Variants in PIK3CB observed in about 807,000 individuals in gnomAD.
PIK3CB encodes the protein phosphatidylinositol-4,5-bisphosphate 3-kinase catalytic subunit beta.
In PIK3CB, 39 loss-of-function variants were observed where a neutral mutation model predicts 136.8. The ratio of observed to expected loss-of-function variants is 0.29; its 90% CI spans 0.22 to 0.37. PIK3CB has a LOEUF of 0.37. Ranked by LOEUF, PIK3CB falls within the 10% of genes least tolerant of loss-of-function variation. The pLI, the probability that PIK3CB is intolerant of heterozygous loss-of-function variation, is 1.00. For synonymous variants in PIK3CB, 428 were observed against 436.6 expected (o/e 0.98, Z 0.25); for missense variants, 868 against 1,275.4 (o/e 0.68, Z 4.87).
intron 19 of PIK3CB, among the ~76,000 whole-genome samples, chr3:138,673,427 A>G (rs906495289): frequency 4.6e-5 from 7 of 152,314 alleles, no homozygotes; most frequent in Middle Eastern, 6.8e-3. Context: ...CATTACTTAC[A>G]AAGAACCGAT....
rs1426256873 is a variant in PIK3CB, at chr3:138,665,255, T to G, written c.2505-52A>C. Reference sequence around the variant, plus strand: ...TCATATTTTCCTTAAAATGAAACATTAATTTGGTAAGATTTTCCCTTTACT... The same window carrying G: ...TCATATTTTCCTTAAAATGAAACATGAATTTGGTAAGATTTTCCCTTTACT... On this transcript the variant is annotated intron_variant, in intron 19 of 23. Transcript: ENST00000674063. The G allele has an allele frequency of 4.5e-6, 6 of 1,334,624 alleles. No homozygotes were observed. The African/African-American group carries it at 7.4e-5, about 16-fold the overall frequency. The allele number at this position is 1,334,624 out of a possible 1,614,324, so 82.7% of individuals were successfully genotyped here.
intron 10 of PIK3CB, 34 bp from the exon 11 acceptor site, chr3:138,707,323 A>T (rs755690993): frequency 1.9e-6 from 3 of 1,578,064 alleles, no homozygotes; most frequent in Non-Finnish European, 2.6e-6. Flanking sequence ...TTCTTAAAAA[A>T]TGTCTTTAAA....
intron 19 of PIK3CB, among the ~76,000 whole-genome samples, chr3:138,666,767 A>G (rs1232186992): frequency 6.6e-6 from 1 of 152,216 alleles, no homozygotes; most frequent in Non-Finnish European, 1.5e-5. Flanking sequence ...GCATTGTGTT[A>G]GATCCTGGTG....
intron 6 of PIK3CB, among the ~76,000 whole-genome samples, 155 bp from the exon 7 acceptor site, chr3:138,734,959 T>C (rs1345420125): frequency 6.6e-6 from 1 of 150,668 alleles, no homozygotes; most frequent in Admixed American, 6.6e-5. Flanking sequence ...AAAATTTTTT[T>C]TTTTTTTTTT....
intron 3 of PIK3CB, among the ~76,000 whole-genome samples, chr3:138,757,168 G>A (rs529119263): frequency 3.9e-4 from 60 of 152,220 alleles, no homozygotes; most frequent in Non-Finnish European, 7.4e-4. Flanking sequence ...CACTTTGGGA[G>A]GCCATGGTGG....
At chr3:138,801,220 G>A (rs1044716675) in intron 1 of PIK3CB, among the ~76,000 whole-genome samples, 2 of 152,100 alleles carry the variant, frequency 1.3e-5, no homozygotes, top group African/African-American at 2.4e-5. Flanking sequence ...ATAATGAAAT[G>A]AGGTGATATA....
At position 138,704,465 on chromosome 3, in the gene PIK3CB, C is replaced by T. The variant is rs1333337067; in HGVS notation, c.1559G>A (p.Ser520Asn). The change falls in exon 12 of 24, where the codon AGC (serine) becomes AAC (asparagine). Residue 520 changes from serine (S) to asparagine (N), a missense_variant. Physicochemically the swap from Ser to Asn is conservative, Grantham distance 46. Coordinates refer to ENST00000674063, the MANE Select transcript of PIK3CB (RefSeq NM_006219.3). ...TACTGACACATTAGCACTATCACTG[C>T]TTGCAATCTCAGCTGCCTTTTCAAT... is the stretch of plus-strand genomic sequence containing the variant. The part of the protein sequence containing the change: ...KIIEKAAEIA[S>N]SDSANVSSRG... 1 of 1,608,212 alleles carries T rather than the reference C, an allele frequency of 6.2e-7. No individual in the cohort carries two copies. The highest frequency in any genetic ancestry group is 1.1e-5 in the South Asian group (1 of 90,964).
At chr3:138,785,091 C>G (rs971395471) in intron 2 of PIK3CB, among the ~76,000 whole-genome samples, 1 of 151,638 alleles carries the variant, frequency 6.6e-6, no homozygotes, top group African/African-American at 2.4e-5. Flanking sequence ...CCGCCCTGTC[C>G]GGGAGGTGGG....
intron 4 of PIK3CB, among the ~76,000 whole-genome samples, chr3:138,747,478 G>A (rs1469704451): frequency 6.6e-6 from 1 of 152,086 alleles, no homozygotes; most frequent in Non-Finnish European, 1.5e-5. Flanking sequence ...AATAGCAACA[G>A]GAGGTGGCTG....
At chr3:138,785,153 GC>G (rs1407046657) in intron 2 of PIK3CB, among the ~76,000 whole-genome samples, 5 of 150,658 alleles carry the variant, frequency 3.3e-5, no homozygotes, top group African/African-American at 4.9e-5. Context: ...ATGGGGGGCA[GC>G]CCCCGCCCGG....
chr3:138,806,893 T>C (rs909559892), intron 1 of PIK3CB, among the ~76,000 whole-genome samples: 2 of 152,208 alleles, frequency 1.3e-5, no homozygotes, highest in Non-Finnish European at 2.9e-5. Context: ...AGGCTTACTC[T>C]CCATAATAAA....
intron 2 of PIK3CB, among the ~76,000 whole-genome samples, chr3:138,783,913 C>A (rs934227333): frequency 1.3e-4 from 19 of 151,962 alleles, no homozygotes; most frequent in African/African-American, 4.3e-4. Context: ...TCCCAAAAGC[C>A]CAAATAACCC....
At chr3:138,712,569 A>ATT (rs112800043) in intron 9 of PIK3CB, among the ~76,000 whole-genome samples, 8 of 141,604 alleles carry the variant, frequency 5.6e-5, no homozygotes, top group Admixed American at 1.4e-4. Flanking sequence ...TGTGAAAATG[A>ATT]TTTTTTTTTT....
chr3:138,751,861 C>T (rs2045478504), intron 4 of PIK3CB, among the ~76,000 whole-genome samples: 1 of 151,138 alleles, frequency 6.6e-6, no homozygotes, highest in South Asian at 2.1e-4. Flanking sequence ...ATCCCAGCTA[C>T]TTAGGAGGCT....
chr3:138,716,095 C>T (rs1463000944), intron 8 of PIK3CB, among the ~76,000 whole-genome samples: 2 of 152,052 alleles, frequency 1.3e-5, no homozygotes, highest in South Asian at 4.2e-4. Context: ...ATTGGTTATT[C>T]TAAACACAGA....
At chr3:138,771,989 G>T (rs1270696850) in intron 2 of PIK3CB, among the ~76,000 whole-genome samples, 2 of 151,058 alleles carry the variant, frequency 1.3e-5, no homozygotes, top group Non-Finnish European at 2.9e-5. Context: ...TCCAGTTCTG[G>T]AATGTACCTA....
chr3:138,725,191 A>T (rs113227851), intron 8 of PIK3CB, among the ~76,000 whole-genome samples: 2 of 152,268 alleles, frequency 1.3e-5, no homozygotes, highest in African/African-American at 4.8e-5. Context: ...AAATATATAT[A>T]TTTTTAATGT....
chr3:138,807,869 T>C (rs1451755956), intron 1 of PIK3CB, among the ~76,000 whole-genome samples: 1 of 150,614 alleles, frequency 6.6e-6, no homozygotes, highest in African/African-American at 2.5e-5. Flanking sequence ...CACTCCAGCC[T>C]GGGGAAGACA....
chr3:138,759,439 AC>A, intron 2 of PIK3CB, 80 bp from the exon 3 acceptor site: 2 of 867,010 alleles, frequency 2.3e-6, no homozygotes, highest in Non-Finnish European at 3.6e-6. Flanking sequence ...CCACTAATCT[AC>A]AATTAGTCCT....
Sources: allele counts gnomAD v4.1 joint callset (sites outside exome capture counted in the v4.1 genomes callset), GRCh38; gene constraint gnomAD v4.1.1; transcripts MANE v1.5; gene names NCBI Gene and HGNC (gene_info 2026-07-23, HGNC 2026-07-21).